KHDC1: variants seen among roughly 807,000 people sequenced by gnomAD.
KHDC1 encodes KH homology domain-containing protein 1.
A neutral mutation model predicts 24.7 loss-of-function variants in KHDC1; 21 were observed. The observed-to-expected ratio is 0.85, with a 90% CI of 0.60 to 1.23. The LOEUF is 1.23. Among genes scored for constraint, KHDC1 ranks in the 50% most tolerant of loss-of-function variants. The pLI is 0.00. For synonymous variants in KHDC1, 98 were observed against 111.7 expected (o/e 0.88, Z 0.77); for missense variants, 274 against 298.5 (o/e 0.92, Z 0.61).
chr6:73,296,243 C>T (rs1767756897), intron 1 of KHDC1, among the ~76,000 whole-genome samples: 1 of 151,706 alleles, frequency 6.6e-6, no homozygotes, highest in Non-Finnish European at 1.5e-5. Flanking sequence ...TCATTTGAGG[C>T]CAAGAGTTCG....
chr6:73,279,983 A>G (rs1429975224), intron 2 of KHDC1, among the ~76,000 whole-genome samples: 3 of 152,116 alleles, frequency 2.0e-5, no homozygotes, highest in Non-Finnish European at 2.9e-5. Flanking sequence ...TGTTCTTGGT[A>G]TAGTTCCTAC....
intron 2 of KHDC1, among the ~76,000 whole-genome samples, chr6:73,260,202 T>C (rs2150565191): frequency 6.6e-6 from 1 of 152,292 alleles, no homozygotes; most frequent in African/African-American, 2.4e-5. Flanking sequence ...CTTTCTGTAA[T>C]CATTACAGGG....
chr6:73,244,451 A>G lies in KHDC1; in HGVS notation c.207-1921T>C, dbSNP rs1012205753. On this transcript the variant is annotated intron_variant, in intron 2 of 4. Transcript: ENST00000370384. Reference sequence around the variant, plus strand: ...TTGTTGTTTGAGGTCAGTGTTCAATATTGATAAAACTGAAGGTAAAAATTA... The same window carrying G: ...TTGTTGTTTGAGGTCAGTGTTCAATGTTGATAAAACTGAAGGTAAAAATTA... Among the ~76,000 whole-genome samples the G allele has an allele frequency of 5.3e-5, 8 of 152,308 alleles. No homozygotes were observed. The South Asian group carries it at 1.7e-3, about 32-fold the overall frequency.
At chr6:73,271,331 T>C (rs1767176144) in intron 2 of KHDC1, among the ~76,000 whole-genome samples, 1 of 151,650 alleles carries the variant, frequency 6.6e-6, no homozygotes, top group African/African-American at 2.4e-5. Flanking sequence ...TGCCTCAGCC[T>C]CCTCAGTAGC....
chr6:73,308,935 G>A (rs1258095458), intron 1 of KHDC1, among the ~76,000 whole-genome samples: 3 of 152,296 alleles, frequency 2.0e-5, no homozygotes, highest in East Asian at 1.9e-4. Flanking sequence ...AGGATCAAGC[G>A]ATTCTCCTGC....
intron 2 of KHDC1, chr6:73,291,964 G>A (rs774783155): frequency 1.5e-5 from 24 of 1,610,138 alleles, no homozygotes; most frequent in Non-Finnish European, 1.9e-5. Context: ...TTGGTAAGAT[G>A]GCGGGGTACG....
chr6:73,259,172 G>A (rs534493042), intron 2 of KHDC1, among the ~76,000 whole-genome samples: 1 of 151,380 alleles, frequency 6.6e-6, no homozygotes, highest in Non-Finnish European at 1.5e-5. Flanking sequence ...GATTCAGATA[G>A]TGTTTTACTT....
chr6:73,242,217 G>C (rs202065785), exon 4 of KHDC1: 10 of 1,613,426 alleles, frequency 6.2e-6, no homozygotes, highest in Non-Finnish European at 8.5e-7. Context: ...TCAATGCAGC[G>C]AAGGTATGTG....
chr6:73,297,713 A>C (rs1363378593), intron 1 of KHDC1, among the ~76,000 whole-genome samples: 1 of 152,084 alleles, frequency 6.6e-6, no homozygotes, highest in East Asian at 1.9e-4. Flanking sequence ...CTTTCTTTTT[A>C]AAAAATCATT....
chr6:73,262,733 G>A (rs1214817342), intron 2 of KHDC1, 41 bp downstream of exon 1: 2 of 985,156 alleles, frequency 2.0e-6, no homozygotes, highest in Non-Finnish European at 2.4e-6. Context: ...TTCTTAGGAT[G>A]AACTTAGTAA....
At position 73,294,005 on chromosome 6, in the gene KHDC1, C is replaced by CAAAAAAA. The variant is rs111522900; in HGVS notation, c.164-1972_164-1966dup. Reference sequence around the variant, plus strand: ...TGGGCAACAGAGTGAGACTCCACCTCAAAAAAAAAAAAACAAAAAAAAACC... The same window carrying CAAAAAAA: ...TGGGCAACAGAGTGAGACTCCACCTCAAAAAAAAAAAAAAAAAAAACAAAAAAAAACC... On this transcript the variant is annotated intron_variant, in intron 1 of 4. Coordinates refer to ENST00000370384, the Ensembl canonical transcript of KHDC1. Among the ~76,000 whole-genome samples, 3 of 64,900 alleles carry CAAAAAAA rather than the reference C, an allele frequency of 4.6e-5. 1 individual carries two copies. The highest frequency in any genetic ancestry group is 4.2e-4 in the Admixed American group (2 of 4,726). The allele number at this position is 64,900 out of a possible 152,430, so 42.6% of individuals were successfully genotyped here.
intron 2 of KHDC1, among the ~76,000 whole-genome samples, chr6:73,280,514 CTTTT>C (rs55832102): frequency 0.16 from 18,776 of 117,344 alleles, 1,315 homozygotes; most frequent in East Asian, 0.22. Context: ...TCTTTAATTT[CTTTT>C]TTTTTTTTTT....
intron 2 of KHDC1, among the ~76,000 whole-genome samples, chr6:73,261,130 G>C (rs1766972457): frequency 6.6e-6 from 1 of 152,180 alleles, no homozygotes; most frequent in Non-Finnish European, 1.5e-5. Context: ...CCTCTCTTTA[G>C]AGGAAATATA....
intron 2 of KHDC1, among the ~76,000 whole-genome samples, chr6:73,271,566 A>G (rs1196083280): frequency 3.9e-5 from 6 of 152,056 alleles, no homozygotes; most frequent in African/African-American, 1.4e-4. Flanking sequence ...TGTATGATGC[A>G]TTCCTACCTT....
At chr6:73,273,191 G>A (rs1304254445) in intron 2 of KHDC1, among the ~76,000 whole-genome samples, 1 of 147,552 alleles carries the variant, frequency 6.8e-6, no homozygotes, top group Non-Finnish European at 1.5e-5. Context: ...TTTTTGAGAC[G>A]GAGTCTCTCT....
At chr6:73,285,163 T>C (rs1033959083) in intron 2 of KHDC1, among the ~76,000 whole-genome samples, 2 of 152,076 alleles carry the variant, frequency 1.3e-5, no homozygotes, top group African/African-American at 4.8e-5. Context: ...GCATTATAAA[T>C]ATCCCACTCT....
chr6:73,268,096 G>GC (rs70994180), intron 2 of KHDC1: 156,005 of 156,010 alleles, frequency 1, 78,000 homozygotes, highest in Middle Eastern at 1. Context: ...CGAGAATGAA[G>GC]CGCGGACCCT....
At chr6:73,261,465 A>T (rs965197650) in intron 2 of KHDC1, among the ~76,000 whole-genome samples, 30 of 149,180 alleles carry the variant, frequency 2.0e-4, no homozygotes, top group Admixed American at 4.6e-4. Flanking sequence ...AATTTTTTTT[A>T]AAAAAATAAG....
chr6:73,262,561 A>T (rs370323519), intron 2 of KHDC1, among the ~76,000 whole-genome samples: 4 of 151,224 alleles, frequency 2.6e-5, no homozygotes, highest in African/African-American at 9.9e-5. Flanking sequence ...GTGTCAACAA[A>T]ACCCGTGTTT....
Sources: gnomAD v4.1 joint callset for allele counts (sites outside exome capture counted in the v4.1 genomes callset) on GRCh38, gnomAD v4.1.1 for gene constraint, MANE v1.5 for transcripts, NCBI Gene and HGNC (gene_info 2026-07-23, HGNC 2026-07-21) for gene names.